The following CYB5R2 variants were observed in gnomAD, a reference collection of about 807,000 sequenced individuals.
The protein encoded by CYB5R2 is NADH-cytochrome b5 reductase 2.
In CYB5R2, 35 loss-of-function variants were observed where a neutral mutation model predicts 29.8. The ratio of observed to expected loss-of-function variants is 1.17; its 90% confidence interval spans 0.90 to 1.56. The LOEUF (loss-of-function observed/expected upper bound fraction) is 1.56. Among genes scored for constraint, CYB5R2 ranks in the 40% most tolerant of loss-of-function variants. CYB5R2 has a pLI of 0.00. For synonymous variants in CYB5R2, 169 were observed against 130.6 expected (o/e 1.29, Z -2.01); for missense variants, 419 against 346.7 (o/e 1.21, Z -1.66).
intron 5 of CYB5R2, 47 bp downstream of exon 5, chr11:7,669,158 G>GGAAT: frequency 1.2e-6 from 2 of 1,612,428 alleles, no homozygotes; most frequent in Non-Finnish European, 8.5e-7. Context: ...AACCATTGCA[G>GGAAT]GAATCTTCCT....
At chr11:7,673,717 C>G, upstream of CYB5R2, 7 of 986,328 alleles carry the variant, frequency 7.1e-6, no homozygotes, top group African/African-American at 1.7e-5. Context: ...GCGGAACCCA[C>G]CCGGAGTGAG....
chr11:7,668,871 T>TAAAC (rs1320200258), intron 5 of CYB5R2: 2 of 576,048 alleles, frequency 3.5e-6, no homozygotes, highest in Middle Eastern at 4.2e-4. Flanking sequence ...AACCAGTGAG[T>TAAAC]AAACAATGGC....
chr11:7,672,930 C>T, intron 1 of CYB5R2, 39 bp from the exon 2 acceptor site: 1 of 1,579,762 alleles, frequency 6.3e-7, no homozygotes, highest in Admixed American at 1.8e-5. Context: ...TCAGGTCTTG[C>T]CCGCCCTGGA....
At chr11:7,672,622 G>GCGCACACACA (rs1555009562) in intron 2 of CYB5R2, 99 bp from the exon 3 acceptor site, 4 of 1,237,222 alleles carry the variant, frequency 3.2e-6, no homozygotes, top group Non-Finnish European at 4.6e-6. Context: ...CGCTATTCCA[G>GCGCACACACA]CACACACACA....
In CYB5R2 at chr11:7,666,563, C is replaced by T. The variant is rs771387314; in HGVS notation, c.559-13G>A. On this transcript the variant is annotated splice_polypyrimidine_tract_variant and intron_variant, in intron 7 of 8. Coordinates refer to ENST00000299498, the MANE Select transcript of CYB5R2 (RefSeq NM_016229.5). The stretch of plus-strand genomic sequence containing the variant: ...TATCCTCCTCTGTCTAGAAAAGAAG[C>T]AACACTGAAAAAGCCCCTCCAGGGC... 6 of 1,602,586 alleles carry T rather than the reference C, an allele frequency of 3.7e-6. No individual in the cohort carries two copies. The South Asian group carries it at 4.4e-5, about 12-fold the overall frequency.
At chr11:7,673,322 G>C in intron 1 of CYB5R2, 97 bp downstream of exon 1, 5 of 1,003,060 alleles carry the variant, frequency 5.0e-6, no homozygotes, top group Admixed American at 9.7e-5. Context: ...CCGTGACTTA[G>C]GGCCTGGGGA....
chr11:7,669,850 G>A (rs1590877649), intron 3 of CYB5R2, 119 bp from the exon 4 acceptor site: 1 of 759,952 alleles, frequency 1.3e-6, no homozygotes, highest in East Asian at 2.7e-5. Flanking sequence ...TAAGAGGGGT[G>A]GGAAGAAGAG....
Position 7,669,664 on chromosome 11 carries a change from G to C in CYB5R2, c.219C>G (p.Ser73=). Residue 73 remains serine, a synonymous_variant, in exon 4 of 9, where the codon TCC becomes TCG. Transcript: ENST00000299498. ...CCACAAAGCCTCTGTCATCATCACT[G>C]GAGACAGGGGTGTAAGCCCTGACCA... ...ELVVRAYTPV[S]SDDDRGFVDL... 6.2e-7 allele frequency: 1 copy of C among 1,612,216 alleles called. No homozygotes were observed. Among genetic ancestry groups the C allele is most frequent in the Non-Finnish European group, 8.5e-7 (1 of 1,179,196 alleles).
rs370168696 is a variant in CYB5R2, at chr11:7,665,565, A to G, written c.659-19T>C. The G allele has an allele frequency of 4.9e-4, 778 of 1,586,366 alleles. No individual in the cohort carries two copies. Among genetic ancestry groups the G allele is most frequent in the Non-Finnish European group, 6.4e-4 (750 of 1,167,562 alleles). On this transcript the variant is annotated intron_variant, in intron 8 of 8. Coordinates refer to ENST00000299498, the MANE Select transcript of CYB5R2 (RefSeq NM_016229.5). ...TTCCAGCCTGAAATGAAGGAGATGC[A>G]GGAGCAAGCTGAGCGATGCCAGGTG...
At chr11:7,672,063 C>G (rs1188182104) in intron 3 of CYB5R2, 1 of 191,290 alleles carries the variant, frequency 5.2e-6, no homozygotes, top group Non-Finnish European at 1.1e-5. Context: ...CCATCAGTCA[C>G]TCTACTTTCA....
chr11:7,667,952 C>G, intron 6 of CYB5R2, 139 bp from the exon 7 acceptor site: 1 of 695,292 alleles, frequency 1.4e-6, no homozygotes, highest in Non-Finnish European at 2.5e-6. Context: ...AAGCAGGAAA[C>G]AGCCCTTCAT....
At chr11:7,667,394 A>G (rs1565150810) in intron 7 of CYB5R2, 1 of 167,316 alleles carries the variant, frequency 6.0e-6, no homozygotes. Context: ...AGATTTAAAA[A>G]GTAAGTAAAT....
chr11:7,673,919 G>T (rs1855928406), upstream of CYB5R2: 5 of 999,752 alleles, frequency 5.0e-6, no homozygotes, highest in South Asian at 4.3e-5. Flanking sequence ...CCCGCTCCCC[G>T]AGAAGGGCCG....
At chr11:7,665,970 G>A in intron 8 of CYB5R2, 1 of 1,488,268 alleles carries the variant, frequency 6.7e-7, no homozygotes, top group Non-Finnish European at 9.1e-7. Context: ...GCCGGGAGCA[G>A]TGTGAGAGGC....
At chr11:7,672,308 C>G (rs1855794779) in intron 3 of CYB5R2, 143 bp downstream of exon 3, 1 of 660,846 alleles carries the variant, frequency 1.5e-6, no homozygotes, top group Non-Finnish European at 2.6e-6. Flanking sequence ...ATCCCCCTAT[C>G]TATCTCCCTG....
chr11:7,673,706 C>T, upstream of CYB5R2: 1 of 985,982 alleles, frequency 1.0e-6, no homozygotes, highest in Non-Finnish European at 1.2e-6. Context: ...TACACCCCGC[C>T]GCGGAACCCA....
At chr11:7,665,942 G>C (rs947473146) in intron 8 of CYB5R2, 17 of 1,534,788 alleles carry the variant, frequency 1.1e-5, no homozygotes, top group Middle Eastern at 1.7e-4. Context: ...CCAGGGACCT[G>C]TATGACAAGC....
intron 7 of CYB5R2, chr11:7,666,811 T>G: frequency 3.1e-6 from 1 of 319,950 alleles, no homozygotes; most frequent in Non-Finnish European, 5.9e-6. Flanking sequence ...CGCCTCCAAC[T>G]AGAAGGACCT....
intron 5 of CYB5R2, 93 bp downstream of exon 5, chr11:7,669,112 T>C (rs1314474716): frequency 2.0e-6 from 3 of 1,489,362 alleles, no homozygotes; most frequent in Non-Finnish European, 2.8e-6. Context: ...GACAACCCCA[T>C]GTGACTCAAA....
Sources: gnomAD v4.1 joint callset for allele counts on GRCh38, gnomAD v4.1.1 for gene constraint, MANE v1.5 for transcripts, NCBI Gene and HGNC (gene_info 2026-07-23, HGNC 2026-07-21) for gene names.